Variants in RORA observed in about 807,000 individuals in gnomAD.
RORA encodes RAR related orphan receptor A.
RORA carries 7 observed loss-of-function variants against 69.5 expected under a neutral mutation model. The ratio of observed to expected loss-of-function variants is 0.10; its 90% confidence interval spans 0.06 to 0.19. The LOEUF is 0.19. Ranked by LOEUF, RORA falls within the 10% of genes least tolerant of loss-of-function variation. The pLI is 1.00. For synonymous variants in RORA, 261 were observed against 240.8 expected, an observed-to-expected ratio of 1.08 and a Z score of -0.78; for missense variants, 457 against 663.0, an observed-to-expected ratio of 0.69 and a Z score of 3.41.
chr15:60,987,229 T>C (rs6494240), intron 1 of RORA, among the ~76,000 whole-genome samples: 30,167 of 152,162 alleles, frequency 0.2, 3,519 homozygotes, highest in Non-Finnish European at 0.26. Flanking sequence ...TGTCTCCTTA[T>C]TGTTGGGCAC....
At chr15:60,586,451 G>A (rs1302478859) in intron 2 of RORA, among the ~76,000 whole-genome samples, 1 of 151,814 alleles carries the variant, frequency 6.6e-6, no homozygotes, top group Non-Finnish European at 1.5e-5. Context: ...TTACGTATTA[G>A]AGGGGTGTGT....
intron 1 of RORA, among the ~76,000 whole-genome samples, chr15:60,718,466 A>T (rs953739506): frequency 6.6e-6 from 1 of 152,224 alleles, no homozygotes; most frequent in Non-Finnish European, 1.5e-5. Context: ...TAGATTTACA[A>T]ATTGAATAGA....
At chr15:60,599,655 C>T (rs1204590918) in intron 2 of RORA, among the ~76,000 whole-genome samples, 1 of 152,184 alleles carries the variant, frequency 6.6e-6, no homozygotes, top group Non-Finnish European at 1.5e-5. Flanking sequence ...AGATAAAATA[C>T]ACACAGATAA....
intron 1 of RORA, among the ~76,000 whole-genome samples, chr15:61,154,798 A>C (rs1225011166): frequency 6.6e-6 from 1 of 152,110 alleles, no homozygotes; most frequent in African/African-American, 2.4e-5. Context: ...AAATGTTATT[A>C]GGGCAGTTGT....
intron 1 of RORA, among the ~76,000 whole-genome samples, chr15:60,823,523 G>GCA (rs1263322018): frequency 6.6e-6 from 1 of 152,176 alleles, no homozygotes; most frequent in Admixed American, 6.5e-5. Context: ...CTCATGCCTG[G>GCA]CACACAGTGG....
intron 1 of RORA, among the ~76,000 whole-genome samples, chr15:60,987,195 T>C (rs1434545216): frequency 6.6e-6 from 1 of 152,190 alleles, no homozygotes; most frequent in African/African-American, 2.4e-5. Flanking sequence ...TGTCTCATTA[T>C]TTCTTCCCAT....
chr15:60,621,549 G>T (rs1214307321), intron 2 of RORA, among the ~76,000 whole-genome samples: 1 of 152,160 alleles, frequency 6.6e-6, no homozygotes, highest in Non-Finnish European at 1.5e-5. Context: ...AGGTCACCAG[G>T]TGAACAAGTG....
intron 1 of RORA, among the ~76,000 whole-genome samples, chr15:60,871,246 T>C (rs931591024): frequency 6.6e-5 from 10 of 152,190 alleles, no homozygotes; most frequent in Non-Finnish European, 1.3e-4. Flanking sequence ...TGTTTTTTTT[T>C]CAAACCACAC....
intron 1 of RORA, among the ~76,000 whole-genome samples, chr15:60,964,387 G>A (rs1387065448): frequency 6.6e-6 from 1 of 152,184 alleles, no homozygotes; most frequent in African/African-American, 2.4e-5. Flanking sequence ...TATGGCTGGT[G>A]GAAGGTTGGG....
In RORA at chr15:60,857,270, C is replaced by T. The variant is rs189881067; in HGVS notation, c.167-178584G>A. Among the ~76,000 whole-genome samples the T allele has an allele frequency of 2.6e-5, 4 of 152,218 alleles. No individual in the cohort carries two copies. In the East Asian group the frequency reaches 5.8e-4, roughly 22 times the overall value. ...AAGCTTTCCAGATAACATGGCACTT[C>T]CCAGGGCTTGAAGAGAAACAATGAA... On this transcript the variant is annotated intron_variant, in intron 1 of 10. Transcript: ENST00000335670.
At chr15:60,500,489 G>A (rs1408178271) in intron 9 of RORA, among the ~76,000 whole-genome samples, 1 of 152,084 alleles carries the variant, frequency 6.6e-6, no homozygotes, top group Admixed American at 6.5e-5. Flanking sequence ...CTTCCAAATA[G>A]AAGGTAGTAA....
intron 1 of RORA, among the ~76,000 whole-genome samples, chr15:61,035,694 A>C (rs1439716365): frequency 6.6e-6 from 1 of 152,194 alleles, no homozygotes; most frequent in Non-Finnish European, 1.5e-5. Flanking sequence ...CATTTTTAAA[A>C]ATGGTCATGC....
chr15:60,628,414 G>A (rs2140645682), intron 2 of RORA, among the ~76,000 whole-genome samples: 1 of 152,270 alleles, frequency 6.6e-6, no homozygotes, highest in South Asian at 2.1e-4. Context: ...CACCCAGGCT[G>A]CAGCGCTGTG....
intron 1 of RORA, among the ~76,000 whole-genome samples, chr15:60,965,904 A>AAT (rs1328866525): frequency 1.3e-5 from 2 of 152,138 alleles, no homozygotes; most frequent in African/African-American, 4.8e-5. Flanking sequence ...CTAGAATTTT[A>AAT]ATATATATGT....
chr15:61,156,383 A>C (rs1302724741), intron 1 of RORA, among the ~76,000 whole-genome samples: 4 of 152,152 alleles, frequency 2.6e-5, no homozygotes, highest in Admixed American at 2.0e-4. Flanking sequence ...TTAATCAGAA[A>C]AGAAGAAACA....
At chr15:61,072,459 T>C (rs369115411) in intron 1 of RORA, among the ~76,000 whole-genome samples, 67 of 152,202 alleles carry the variant, frequency 4.4e-4, no homozygotes, top group African/African-American at 1.4e-3. Context: ...AGTGCAGAAG[T>C]TATAACTCTA....
chr15:61,076,198 T>C (rs2078447510), intron 1 of RORA, among the ~76,000 whole-genome samples: 1 of 152,218 alleles, frequency 6.6e-6, no homozygotes, highest in East Asian at 1.9e-4. Context: ...TCGCAGGGCC[T>C]GACCCCCAGA....
At chr15:61,123,859 C>T (rs2079122488) in intron 1 of RORA, among the ~76,000 whole-genome samples, 1 of 152,224 alleles carries the variant, frequency 6.6e-6, no homozygotes, top group South Asian at 2.1e-4. Flanking sequence ...CTTCTGTCTA[C>T]TTCCTACATG....
intron 2 of RORA, among the ~76,000 whole-genome samples, chr15:60,572,497 T>TGA (rs1164736378): frequency 6.8e-6 from 1 of 146,606 alleles, no homozygotes; most frequent in Non-Finnish European, 1.5e-5. Context: ...GCTTTTACCA[T>TGA]TGGTAGCAAG....
Sources: allele counts gnomAD v4.1 joint callset (sites outside exome capture counted in the v4.1 genomes callset), GRCh38; gene constraint gnomAD v4.1.1; transcripts MANE v1.5; gene names NCBI Gene and HGNC (gene_info 2026-07-23, HGNC 2026-07-21).